The following RABGAP1 variants were observed in gnomAD, a reference collection of about 807,000 sequenced individuals.
RABGAP1 encodes RAB GTPase activating protein 1, also known as rab GTPase-activating protein 1.
RABGAP1 carries 23 observed loss-of-function variants against 137.6 expected under a neutral mutation model. The observed-to-expected ratio is 0.17, with a 90% CI of 0.12 to 0.24. The LOEUF is 0.24. Ranked by LOEUF, RABGAP1 falls within the 10% of genes least tolerant of loss-of-function variation. RABGAP1 has a pLI of 1.00. For synonymous variants in RABGAP1, 451 were observed against 450.7 expected, an observed-to-expected ratio of 1.00 and a Z score of -0.01; for missense variants, 906 against 1,275.8, an observed-to-expected ratio of 0.71 and a Z score of 4.42.
At chr9:123,086,058 T>C (rs1277954977) in intron 19 of RABGAP1, among the ~76,000 whole-genome samples, 1 of 152,202 alleles carries the variant, frequency 6.6e-6, no homozygotes, top group East Asian at 1.9e-4. Context: ...AGTAGAAACC[T>C]AAGTAATCGT....
intron 21 of RABGAP1, among the ~76,000 whole-genome samples, chr9:123,095,335 T>C (rs2035151224): frequency 6.6e-6 from 1 of 152,158 alleles, no homozygotes; most frequent in South Asian, 2.1e-4. Context: ...TCATTTGCTC[T>C]TTTTCTGGCT....
At chr9:122,988,737 C>G (rs984064273) in intron 4 of RABGAP1, among the ~76,000 whole-genome samples, 1 of 151,824 alleles carries the variant, frequency 6.6e-6, no homozygotes, top group Non-Finnish European at 1.5e-5. Context: ...CACCTGAGGT[C>G]GGAAGATTGA....
At chr9:123,073,835 C>G (rs2034431964) in intron 16 of RABGAP1, among the ~76,000 whole-genome samples, 158 bp downstream of exon 16, 1 of 152,134 alleles carries the variant, frequency 6.6e-6, no homozygotes, top group Non-Finnish European at 1.5e-5. Context: ...GATTATGATG[C>G]AAAGATTAAC....
At chr9:123,092,086 G>A (rs551364056) in intron 21 of RABGAP1, among the ~76,000 whole-genome samples, 1 of 152,274 alleles carries the variant, frequency 6.6e-6, no homozygotes, top group East Asian at 1.9e-4. Context: ...GAGCCTTTGT[G>A]TCCTACAATG....
intron 19 of RABGAP1, among the ~76,000 whole-genome samples, chr9:123,084,891 T>C (rs1043122301): frequency 5.9e-5 from 9 of 152,192 alleles, no homozygotes; most frequent in African/African-American, 2.2e-4. Flanking sequence ...CAGTAAGTCA[T>C]TGGCAGAGCC....
chr9:122,942,548 T>TA (rs1833643298), intron 1 of RABGAP1, among the ~76,000 whole-genome samples: 2 of 151,504 alleles, frequency 1.3e-5, no homozygotes, highest in South Asian at 2.1e-4. Context: ...CAGGCGCCTG[T>TA]AGTCCCAGCT....
chr9:123,038,800 A>G (rs1310580183), intron 13 of RABGAP1, among the ~76,000 whole-genome samples: 4 of 151,732 alleles, frequency 2.6e-5, no homozygotes, highest in Admixed American at 1.3e-4. Context: ...TATTGTAGAC[A>G]TTTCTTATGG....
intron 13 of RABGAP1, among the ~76,000 whole-genome samples, chr9:123,044,618 C>A: frequency 7.8e-6 from 1 of 128,890 alleles, no homozygotes; most frequent in South Asian, 3.0e-4. Context: ...TATAGGAAAA[C>A]ACACGTACGT....
chr9:123,044,961 C>T (rs1156962097), intron 13 of RABGAP1, among the ~76,000 whole-genome samples: 1 of 152,064 alleles, frequency 6.6e-6, no homozygotes, highest in Non-Finnish European at 1.5e-5. Context: ...AAGTGATCTA[C>T]AATTTAACAA....
chr9:123,085,883 T>C (rs1307043135), intron 19 of RABGAP1, among the ~76,000 whole-genome samples: 1 of 152,236 alleles, frequency 6.6e-6, no homozygotes, highest in Admixed American at 6.5e-5. Context: ...GTTAAATAAA[T>C]GTCCCTGCTG....
intron 10 of RABGAP1, among the ~76,000 whole-genome samples, chr9:123,009,593 T>TA (rs1182206072): frequency 9.2e-5 from 14 of 152,350 alleles, no homozygotes; most frequent in Admixed American, 8.5e-4. Flanking sequence ...TTAGTATACT[T>TA]ACTTACATGT....
chr9:123,045,025 GA>G (rs2033146038), intron 13 of RABGAP1, among the ~76,000 whole-genome samples: 1 of 152,148 alleles, frequency 6.6e-6, no homozygotes, highest in Admixed American at 6.5e-5. Context: ...ATCTTTACAA[GA>G]AATTATTATG....
At chr9:123,033,383 T>A (rs1476578551) in intron 13 of RABGAP1, 2 of 152,196 alleles carry the variant, frequency 1.3e-5, no homozygotes, top group Admixed American at 1.3e-4. Context: ...GAATTCTGCT[T>A]ATCTACTAAA....
At chr9:123,034,841 A>G in intron 13 of RABGAP1, 2 of 1,613,056 alleles carry the variant, frequency 1.2e-6, no homozygotes, top group South Asian at 2.2e-5. Flanking sequence ...CTCCTCCATC[A>G]CCCCCTTCCA....
chr9:123,086,139 C>T (rs373909962), intron 19 of RABGAP1, among the ~76,000 whole-genome samples: 3 of 152,044 alleles, frequency 2.0e-5, no homozygotes, highest in South Asian at 2.1e-4. Context: ...AAAGAACTGG[C>T]CTGACAGGAC....
At chr9:123,098,031 G>A (rs888006611) in intron 22 of RABGAP1, among the ~76,000 whole-genome samples, 186 bp downstream of exon 22, 2 of 152,192 alleles carry the variant, frequency 1.3e-5, no homozygotes, top group Admixed American at 1.3e-4. Flanking sequence ...AGGAGACAGT[G>A]GGTTGAAGCC....
chr9:122,997,582 TTTTC>T (rs58405143), intron 9 of RABGAP1, among the ~76,000 whole-genome samples: 94,028 of 151,176 alleles, frequency 0.62, 36,363 homozygotes, highest in Non-Finnish European at 0.86. Flanking sequence ...CCCCTCTTTC[TTTTC>T]TTTCTTTCTA....
At chr9:123,083,092 G>GCC (rs2034763853) in intron 19 of RABGAP1, among the ~76,000 whole-genome samples, 1 of 152,194 alleles carries the variant, frequency 6.6e-6, no homozygotes, top group African/African-American at 2.4e-5. Context: ...GAGACATAGA[G>GCC]AATTGATGTA....
At chr9:123,096,311 C>T (rs1457228396) in intron 21 of RABGAP1, among the ~76,000 whole-genome samples, 1 of 149,004 alleles carries the variant, frequency 6.7e-6, no homozygotes, top group African/African-American at 2.4e-5. Context: ...ATAAAAGAGT[C>T]ACTCTTTTAC....
Sources: allele counts gnomAD v4.1 joint callset (sites outside exome capture counted in the v4.1 genomes callset), GRCh38; gene constraint gnomAD v4.1.1; transcripts MANE v1.5; gene names NCBI Gene and HGNC (gene_info 2026-07-23, HGNC 2026-07-21).